The following TNFSF4 variants were observed in gnomAD, a reference collection of about 807,000 sequenced individuals.
The protein encoded by TNFSF4 is tumor necrosis factor ligand superfamily member 4.
In TNFSF4, 4 loss-of-function variants were observed where a neutral mutation model predicts 7.3. The ratio of observed to expected loss-of-function variants is 0.55; its 90% CI spans 0.27 to 1.25. The LOEUF (loss-of-function observed/expected upper bound fraction) is 1.25, where lower values mean the gene tolerates loss of function less well. Among genes scored for constraint, TNFSF4 ranks in the 50% most tolerant of loss-of-function variants. The pLI is 0.12. For missense variants in TNFSF4, 181 were observed against 208.8 expected, an observed-to-expected ratio of 0.87 and a Z score of 0.82; for synonymous variants, 76 against 83.7, an observed-to-expected ratio of 0.91 and a Z score of 0.50.
At chr1:173,313,402 A>C in the TNFSF4 span, among the ~76,000 whole-genome samples, 1 of 152,120 alleles carries the variant, frequency 6.6e-6, no homozygotes, top group Non-Finnish European at 1.5e-5. Flanking sequence ...AACTATATGC[A>C]TGCTGTGTCT....
At chr1:173,307,787 A>G in the TNFSF4 span, among the ~76,000 whole-genome samples, 1 of 152,092 alleles carries the variant, frequency 6.6e-6, no homozygotes, top group East Asian at 1.9e-4. Flanking sequence ...AGTGCAGAAT[A>G]TGACAAAATA....
chr1:173,378,554 G>T, the TNFSF4 span, among the ~76,000 whole-genome samples: 3 of 152,090 alleles, frequency 2.0e-5, no homozygotes, highest in East Asian at 5.8e-4. Flanking sequence ...ACTATGGCGT[G>T]GCCCCAATAT....
chr1:173,250,757 C>T, the TNFSF4 span, among the ~76,000 whole-genome samples: 2 of 152,172 alleles, frequency 1.3e-5, no homozygotes, highest in Admixed American at 1.3e-4. Flanking sequence ...CCGCGCCCGG[C>T]CTCTCCAGTT....
At chr1:173,362,064 G>C in the TNFSF4 span, among the ~76,000 whole-genome samples, 3 of 152,150 alleles carry the variant, frequency 2.0e-5, no homozygotes, top group Non-Finnish European at 4.4e-5. Flanking sequence ...AGGAAAATCA[G>C]TCTTCTTGGG....
At chr1:173,215,895 A>G in the TNFSF4 span, among the ~76,000 whole-genome samples, 3 of 152,190 alleles carry the variant, frequency 2.0e-5, no homozygotes, top group African/African-American at 7.2e-5. Context: ...AATAATTGCG[A>G]TAAGTGTGGT....
chr1:173,269,474 ATAAT>A, the TNFSF4 span, among the ~76,000 whole-genome samples: 1 of 152,226 alleles, frequency 6.6e-6, no homozygotes, highest in East Asian at 1.9e-4. Context: ...TTCCATTTGC[ATAAT>A]TAGATTTCCA....
At chr1:173,368,262 CT>C in the TNFSF4 span, among the ~76,000 whole-genome samples, 1 of 152,206 alleles carries the variant, frequency 6.6e-6, no homozygotes, top group East Asian at 1.9e-4. Flanking sequence ...TCACAATAAA[CT>C]TTGCTACCAC....
the TNFSF4 span, among the ~76,000 whole-genome samples, chr1:173,364,174 G>A: frequency 2.0e-5 from 3 of 149,324 alleles, no homozygotes; most frequent in African/African-American, 4.9e-5. Context: ...ATCTATAGGG[G>A]ATTAATTTAA....
chr1:173,272,054 A>C, the TNFSF4 span, among the ~76,000 whole-genome samples: 2 of 152,138 alleles, frequency 1.3e-5, no homozygotes, highest in Non-Finnish European at 2.9e-5. Flanking sequence ...GTAGGAGCAC[A>C]GATGAAGCTG....
chr1:173,291,295 G>C, the TNFSF4 span, among the ~76,000 whole-genome samples: 1 of 152,052 alleles, frequency 6.6e-6, no homozygotes, highest in Non-Finnish European at 1.5e-5. Context: ...TCAAGGGGAT[G>C]GTGCTAAATC....
the TNFSF4 span, among the ~76,000 whole-genome samples, chr1:173,444,848 G>A: frequency 3.3e-5 from 5 of 152,192 alleles, no homozygotes; most frequent in Non-Finnish European, 7.3e-5. Flanking sequence ...AGGAGTGGTT[G>A]CACACTGTCA....
At chr1:173,371,450 C>A in the TNFSF4 span, among the ~76,000 whole-genome samples, 1 of 152,238 alleles carries the variant, frequency 6.6e-6, no homozygotes, top group South Asian at 2.1e-4. Flanking sequence ...GAAGTCTGGG[C>A]ATTGGTAGGA....
chr1:173,263,431 G>A, the TNFSF4 span, among the ~76,000 whole-genome samples: 5 of 152,156 alleles, frequency 3.3e-5, no homozygotes, highest in East Asian at 7.7e-4. Context: ...TCTGGAAATC[G>A]GATGATAAGC....
chr1:173,373,971 C>A, the TNFSF4 span, among the ~76,000 whole-genome samples: 1 of 152,138 alleles, frequency 6.6e-6, no homozygotes, highest in Non-Finnish European at 1.5e-5. Context: ...ACAATATCAC[C>A]TTCACTGCAC....
At position 173,185,211 on chromosome 1, in the gene TNFSF4, A is replaced by G. The variant is rs1259295210; in HGVS notation, c.*1305T>C. The stretch of plus-strand genomic sequence containing the variant: ...GCTACAATTTTAAAATACATATCTC[A>G]AAAATTTATGTTTATAAAAGGTTTG... On this transcript the variant is annotated 3_prime_UTR_variant, in exon 3 of 3. Transcript: ENST00000281834. The G allele has an allele frequency of 6.6e-6, 1 of 152,252 alleles. No homozygotes were observed. The highest frequency in any genetic ancestry group is 2.4e-5 in the African/African-American group (1 of 41,460). 9.4% of individuals were successfully genotyped at this position (152,252 alleles called of 1,614,324 possible). A position where few individuals can be genotyped will look rare whatever the true frequency, so the allele number is the denominator to read the frequency against.
At chr1:173,308,674 G>A in the TNFSF4 span, among the ~76,000 whole-genome samples, 1 of 151,866 alleles carries the variant, frequency 6.6e-6, no homozygotes, top group Non-Finnish European at 1.5e-5. Flanking sequence ...GAGTTACTCA[G>A]ACAAGACATG....
chr1:173,374,447 A>G, the TNFSF4 span, among the ~76,000 whole-genome samples: 1 of 152,082 alleles, frequency 6.6e-6, no homozygotes, highest in Non-Finnish European at 1.5e-5. Context: ...ACCACACCGG[A>G]GTTAAACTTT....
intron 1 of TNFSF4, among the ~76,000 whole-genome samples, chr1:173,196,195 G>A (rs565970552): frequency 3.3e-4 from 50 of 152,222 alleles, no homozygotes; most frequent in Admixed American, 5.9e-4. Flanking sequence ...CCTAGAGAGA[G>A]GAGTAGGAAA....
chr1:173,337,320 G>A, the TNFSF4 span, among the ~76,000 whole-genome samples: 1 of 152,138 alleles, frequency 6.6e-6, no homozygotes, highest in Non-Finnish European at 1.5e-5. Flanking sequence ...TCCCCATCAT[G>A]AATTGGCTGT....
Sources: allele counts gnomAD v4.1 joint callset (sites outside exome capture counted in the v4.1 genomes callset), GRCh38; gene constraint gnomAD v4.1.1; transcripts MANE v1.5; gene names NCBI Gene and HGNC (gene_info 2026-07-23, HGNC 2026-07-21).